Variants in AHI1 observed in about 807,000 individuals in gnomAD.
AHI1 encodes the protein jouberin.
Under a neutral mutation model 149.3 loss-of-function variants are expected in AHI1, and 123 were observed. That is an observed-to-expected ratio of 0.82 (90% CI 0.71 to 0.96). AHI1 has a LOEUF of 0.96. Ranked by LOEUF, AHI1 falls within the 40% of genes least tolerant of loss-of-function variation. AHI1 has a pLI of 0.00. For synonymous variants in AHI1, 475 were observed against 459.8 expected, an observed-to-expected ratio of 1.03 and a Z score of -0.42; for missense variants, 1,439 against 1,422.7, an observed-to-expected ratio of 1.01 and a Z score of -0.18.
intron 9 of AHI1, among the ~76,000 whole-genome samples, chr6:135,456,376 AC>A (rs1788950624): frequency 1.3e-5 from 2 of 152,038 alleles, no homozygotes; most frequent in Admixed American, 6.6e-5. Context: ...CCTCGTTTCT[AC>A]AAAAAATAGA....
chr6:135,486,273 A>C (rs1393148668), intron 5 of AHI1, among the ~76,000 whole-genome samples: 1 of 152,182 alleles, frequency 6.6e-6, no homozygotes, highest in Non-Finnish European at 1.5e-5. Context: ...TATCGAAATC[A>C]TACATAATAT....
chr6:135,422,282 C>A (rs945549056), intron 20 of AHI1, among the ~76,000 whole-genome samples: 1 of 151,992 alleles, frequency 6.6e-6, no homozygotes, highest in Non-Finnish European at 1.5e-5. Context: ...TTTGGGAGGC[C>A]AAGGTGGGCA....
intron 9 of AHI1, among the ~76,000 whole-genome samples, chr6:135,456,419 C>T (rs1257048904): frequency 6.6e-6 from 1 of 152,002 alleles, no homozygotes; most frequent in African/African-American, 2.4e-5. Flanking sequence ...TGGCACATGT[C>T]TGCAGTCCCA....
At chr6:135,359,762 T>A (rs1793561567) in intron 23 of AHI1, among the ~76,000 whole-genome samples, 1 of 152,200 alleles carries the variant, frequency 6.6e-6, no homozygotes, top group Admixed American at 6.5e-5. Context: ...AAAATTGACC[T>A]AGGCTGATTA....
At chr6:135,434,037 G>A (rs1190477806) in intron 15 of AHI1, among the ~76,000 whole-genome samples, 1 of 151,916 alleles carries the variant, frequency 6.6e-6, no homozygotes, top group Non-Finnish European at 1.5e-5. Flanking sequence ...CAATATACAG[G>A]TGCTATATAA....
At chr6:135,462,758 G>A (rs745706961) in intron 8 of AHI1, among the ~76,000 whole-genome samples, 11 of 151,974 alleles carry the variant, frequency 7.2e-5, no homozygotes, top group Non-Finnish European at 1.5e-4. Flanking sequence ...AAAATTAGCC[G>A]GGTATGGTGG....
At chr6:135,435,637 GA>G (rs1785283758) in intron 15 of AHI1, among the ~76,000 whole-genome samples, 1 of 152,152 alleles carries the variant, frequency 6.6e-6, no homozygotes, top group South Asian at 2.1e-4. Context: ...CCATGCTAAG[GA>G]ACTGGAAAAT....
At chr6:135,455,302 G>A (rs572321128) in intron 10 of AHI1, among the ~76,000 whole-genome samples, 7 of 152,138 alleles carry the variant, frequency 4.6e-5, no homozygotes, top group African/African-American at 1.4e-4. Flanking sequence ...ATCATTTTTG[G>A]TTACATATTA....
intron 5 of AHI1, among the ~76,000 whole-genome samples, chr6:135,484,735 T>G (rs997962782): frequency 6.6e-6 from 1 of 151,684 alleles, no homozygotes; most frequent in Non-Finnish European, 1.5e-5. Context: ...TACATATTTT[T>G]CTCAGTGAGT....
chr6:135,364,155 G>C (rs1224014527), intron 23 of AHI1, among the ~76,000 whole-genome samples: 1 of 151,936 alleles, frequency 6.6e-6, no homozygotes, highest in Non-Finnish European at 1.5e-5. Flanking sequence ...GCTGGGCGGA[G>C]GGGCTCCTCA....
intron 23 of AHI1, among the ~76,000 whole-genome samples, chr6:135,385,663 G>C (rs182631610): frequency 2.0e-5 from 3 of 152,298 alleles, no homozygotes; most frequent in Non-Finnish European, 2.9e-5. Context: ...TGTGAATTTG[G>C]AATCAGCATA....
intron 5 of AHI1, among the ~76,000 whole-genome samples, chr6:135,475,551 T>C (rs1792470944): frequency 6.6e-6 from 1 of 152,180 alleles, no homozygotes; most frequent in Non-Finnish European, 1.5e-5. Flanking sequence ...GCAGCTGAGG[T>C]CGGTGACACA....
chr6:135,349,395 G>A (rs1791732675), intron 24 of AHI1, among the ~76,000 whole-genome samples: 1 of 152,144 alleles, frequency 6.6e-6, no homozygotes, highest in South Asian at 2.1e-4. Context: ...CCTCTTTCAC[G>A]CTATATACTA....
intron 26 of AHI1, among the ~76,000 whole-genome samples, chr6:135,310,683 CTG>C (rs756360177): frequency 1.3e-5 from 2 of 152,250 alleles, no homozygotes; most frequent in South Asian, 2.1e-4. Context: ...AAACCAATAA[CTG>C]TTATTCATTT....
intron 24 of AHI1, among the ~76,000 whole-genome samples, chr6:135,340,945 A>T (rs1399029053): frequency 6.6e-6 from 1 of 151,304 alleles, no homozygotes; most frequent in African/African-American, 2.4e-5. Context: ...AACACTGAAA[A>T]AACTCAAGAA....
chr6:135,297,557 C>T (rs1260225430), intron 27 of AHI1: 1 of 455,380 alleles, frequency 2.2e-6, no homozygotes, highest in African/African-American at 2.0e-5. Flanking sequence ...CTTCTAAATG[C>T]TTCTTATTTC....
In AHI1 at chr6:135,465,691, AG is replaced by A. The variant is rs1187544744; in HGVS notation, c.749+122del. On this transcript the variant is annotated intron_variant, in intron 7 of 28. Coordinates refer to ENST00000265602, the MANE Select transcript of AHI1 (RefSeq NM_001134831.2). The stretch of plus-strand genomic sequence containing the variant: ...TGTAAAAGTTAGCTGTTCTTATCTT[AG>A]TGACAATGTCTCCAAATAAAAGCGT... The A allele has an allele frequency of 1.0e-5, 8 of 763,690 alleles. No homozygotes were observed. In the African/African-American group the frequency reaches 1.4e-4, roughly 14 times the overall value. 47.3% of individuals were successfully genotyped at this position (763,690 alleles called of 1,614,324 possible). A position where few individuals can be genotyped will look rare whatever the true frequency, so the allele number is the denominator to read the frequency against.
intron 23 of AHI1, among the ~76,000 whole-genome samples, chr6:135,370,972 T>G (rs1397461810): frequency 2.6e-5 from 4 of 152,184 alleles, no homozygotes; most frequent in African/African-American, 9.6e-5. Context: ...AATTTATGTC[T>G]AAACCTCTCT....
At chr6:135,452,490 A>C (rs1788274594) in intron 11 of AHI1, among the ~76,000 whole-genome samples, 1 of 152,166 alleles carries the variant, frequency 6.6e-6, no homozygotes, top group South Asian at 2.1e-4. Flanking sequence ...TCCTAATGTG[A>C]TTTTCAAGTA....
Sources: gnomAD v4.1 joint callset for allele counts (sites outside exome capture counted in the v4.1 genomes callset) on GRCh38, gnomAD v4.1.1 for gene constraint, MANE v1.5 for transcripts, NCBI Gene and HGNC (gene_info 2026-07-23, HGNC 2026-07-21) for gene names.